BSN: variants seen among roughly 807,000 people sequenced by gnomAD.
BSN encodes the protein protein bassoon.
Under a neutral mutation model 264.8 loss-of-function variants are expected in BSN, and 57 were observed. The ratio of observed to expected loss-of-function variants is 0.22; its 90% CI spans 0.17 to 0.27. The LOEUF (loss-of-function observed/expected upper bound fraction) is 0.27, where lower values mean the gene tolerates loss of function less well. BSN is among the 10% of genes least tolerant of loss of function. The probability of loss-of-function intolerance (pLI) is 1.00; values close to 1 mark genes in which losing one functional copy is unlikely to be tolerated. For synonymous variants in BSN, 2,059 were observed against 2,137.3 expected, an observed-to-expected ratio of 0.96 and a Z score of 1.01; for missense variants, 4,615 against 5,232.5, an observed-to-expected ratio of 0.88 and a Z score of 3.64.
Position 49,652,258 on chromosome 3 carries a change from C to T in BSN, c.2702C>T (p.Ala901Val). ...ALPKRRLPHNATTGYEELLPE... is the reference protein window; with the variant it reads ...ALPKRRLPHNVTTGYEELLPE... ...CCCAAGAGGCGCCTGCCCCACAATG[C>T]CACCACGGGCTATGAGGAGCTGCTC... The change falls in exon 5 of 12, where the codon GCC becomes GTC. Residue 901 changes from alanine to valine, a missense_variant. Ala to Val is a moderately conservative substitution (Grantham distance 64, BLOSUM62 0). Around this residue, in one of 3 missense-constraint regions of BSN, gnomAD observed 1,197 missense variants for 1,348.0 expected, o/e 0.89. Coordinates refer to ENST00000296452, the MANE Select transcript of BSN (RefSeq NM_003458.4). The T allele has an allele frequency of 6.2e-7, 1 of 1,602,574 alleles. No individual in the cohort carries two copies. Among genetic ancestry groups the T allele is most frequent in the Non-Finnish European group, 8.5e-7 (1 of 1,173,486 alleles).
chr3:49,619,872 A>G (rs1575439694), intron 1 of BSN, among the ~76,000 whole-genome samples: 1 of 152,294 alleles, frequency 6.6e-6, no homozygotes, highest in East Asian at 1.9e-4. Flanking sequence ...TAGTGCTTAC[A>G]GTCACCCCAT....
chr3:49,609,882 C>T (rs564565495), intron 1 of BSN, among the ~76,000 whole-genome samples: 8 of 152,308 alleles, frequency 5.3e-5, no homozygotes, highest in Admixed American at 5.2e-4. Flanking sequence ...GCAGTGGGTC[C>T]TCTGTGTTCT....
At position 49,662,924 on chromosome 3, in the gene BSN, A is replaced by T. The variant is rs1223023961; in HGVS notation, c.10766A>T (p.Asp3589Val). 1.2e-6 allele frequency: 2 copies of T among 1,610,608 alleles called. No individual in the cohort carries two copies. Among genetic ancestry groups the T allele is most frequent in the Admixed American group, 3.4e-5 (2 of 59,426 alleles). Residue 3589 changes from aspartate to valine, a missense_variant, in exon 7 of 12, where the codon GAT becomes GTT. Physicochemically the swap from Asp to Val is radical, Grantham distance 152 (BLOSUM62 -3). Transcript: ENST00000296452. ...ACGGACTGGTTTGATAAGCCCCGGG[A>T]TGCCCGCTCTGACCGGTTCAGGCAC... The part of the protein sequence containing the change: ...EETDWFDKPR[D>V]ARSDRFRHHG...
intron 1 of BSN, among the ~76,000 whole-genome samples, chr3:49,616,189 A>G (rs2052258265): frequency 1.3e-5 from 2 of 152,204 alleles, no homozygotes; most frequent in South Asian, 4.1e-4. Flanking sequence ...TTTCTTGTGC[A>G]AAAACTGGAA....
chr3:49,630,499 C>T (rs962068795), intron 2 of BSN, among the ~76,000 whole-genome samples: 16 of 152,174 alleles, frequency 1.1e-4, no homozygotes, highest in Non-Finnish European at 2.9e-5. Flanking sequence ...GTACATGCCC[C>T]GAAGTGGTCC....
rs1190693190 is a variant in BSN at position 49,585,723 on chromosome 3, T to C, written c.224+30897T>C. Reference sequence around the variant, plus strand: ...TACTAATTTACATTCCCACTAACAGTGTACAAGGGTTCCCTTTTCTCTACA... The same window carrying C: ...TACTAATTTACATTCCCACTAACAGCGTACAAGGGTTCCCTTTTCTCTACA... On this transcript the variant is annotated intron_variant, in intron 1 of 11. Coordinates refer to ENST00000296452, the MANE Select transcript of BSN (RefSeq NM_003458.4). The surrounding 1 kb of genome is among the most constrained non-coding windows in gnomAD (Gnocchi z 4.7). Among the ~76,000 whole-genome samples, 1 of 152,248 alleles carries C rather than the reference T, an allele frequency of 6.6e-6. No homozygotes were observed. The highest frequency in any genetic ancestry group is 2.4e-5 in the African/African-American group (1 of 41,468).
Position 49,668,500 on chromosome 3 carries a change from C to T in BSN, c.*1015C>T, listed in dbSNP as rs1343150588. The T allele has an allele frequency of 2.6e-5, 4 of 152,706 alleles. No homozygotes were observed. Among genetic ancestry groups the T allele is most frequent in the Non-Finnish European group, 5.9e-5 (4 of 68,076 alleles). 9.5% of individuals were successfully genotyped at this position (152,706 alleles called of 1,614,324 possible). A position where few individuals can be genotyped will look rare whatever the true frequency, so the allele number is the denominator to read the frequency against. On this transcript the variant is annotated 3_prime_UTR_variant, in exon 12 of 12. Coordinates refer to ENST00000296452, the MANE Select transcript of BSN (RefSeq NM_003458.4). The stretch of plus-strand genomic sequence containing the variant: ...CTTGTGACTGATGGTTTGGTTTCCT[C>T]TCTGCTCTGCCCCTGCTCAGCACAG...
intron 1 of BSN, among the ~76,000 whole-genome samples, chr3:49,561,613 T>C (rs2051712315): frequency 6.6e-6 from 1 of 152,216 alleles, no homozygotes; most frequent in Non-Finnish European, 1.5e-5. Context: ...ACCTGATGTT[T>C]TGAAATATGT....
At chr3:49,606,289 T>TATATATATTAAAAATATATATA (rs2052149186) in intron 1 of BSN, among the ~76,000 whole-genome samples, 4 of 27,992 alleles carry the variant, frequency 1.4e-4, no homozygotes, top group African/African-American at 1.9e-4. Flanking sequence ...AAATATATAT[T>TATATATATTAAAAATATATATA]ATATATATTA....
Position 49,656,065 on chromosome 3 carries a change from C to T in BSN, c.6509C>T (p.Ala2170Val), listed in dbSNP as rs1175268864. The stretch of plus-strand genomic sequence containing the variant: ...GGGAACTTGGCCCAGTATGGGCCTG[C>T]AGCAGGCCAAGGAACAGCAGTCAGA... ...SPGNLAQYGP[A>V]AGQGTAVRQL... is the part of the protein sequence containing the mutation. Residue 2170 changes from alanine to valine, a missense_variant, in exon 5 of 12, where the codon GCA (alanine) becomes GTA (valine). Ala to Val is a moderately conservative substitution (Grantham distance 64, BLOSUM62 0). Transcript: ENST00000296452. 1.2e-6 allele frequency: 2 copies of T among 1,608,876 alleles called. No individual in the cohort carries two copies. Among genetic ancestry groups the T allele is most frequent in the Non-Finnish European group, 1.7e-6 (2 of 1,178,238 alleles).
intron 1 of BSN, among the ~76,000 whole-genome samples, chr3:49,583,912 C>T (rs180790720): frequency 3.3e-5 from 5 of 152,214 alleles, no homozygotes; most frequent in East Asian, 1.9e-4. Context: ...CTCGCACTGT[C>T]GCCCAGGCTG....
Position 49,663,683 on chromosome 3 carries a change from T to C in BSN, c.11508+17T>C. 6.2e-7 allele frequency: 1 copy of C among 1,602,766 alleles called. No individual in the cohort carries two copies. The highest frequency in any genetic ancestry group is 8.5e-7 in the Non-Finnish European group (1 of 1,173,372). On this transcript the variant is annotated intron_variant, in intron 7 of 11. Transcript: ENST00000296452. ...GCAGGACCGGTAAGCAGAGCTCCCA[T>C]GCATGGGTTGTAACCAGGGAAGATG...
chr3:49,662,093 G>A lies in BSN; in HGVS notation c.10248G>A (p.Val3416=). 1 of 1,613,548 alleles carries A rather than the reference G, an allele frequency of 6.2e-7. No individual in the cohort carries two copies. Among genetic ancestry groups the A allele is most frequent in the East Asian group, 2.2e-5 (1 of 44,890 alleles). The change falls in exon 6 of 12, where the codon GTG becomes GTA. Residue 3416 remains valine, a synonymous_variant. Coordinates refer to ENST00000296452, the MANE Select transcript of BSN (RefSeq NM_003458.4). ...DEITYGLKKN[V]YEQQKYYGMS... ...TCACCTATGGGCTCAAGAAGAACGT[G>A]TATGAGCAGCAAAAATACTATGGGA...
In BSN at chr3:49,651,057, C is replaced by A. The variant is rs754454307; in HGVS notation, c.1964C>A (p.Ala655Asp). The A allele has an allele frequency of 1.6e-5, 25 of 1,611,588 alleles. No homozygotes were observed. The highest frequency in any genetic ancestry group is 2.0e-5 in the Non-Finnish European group (24 of 1,179,360). The stretch of plus-strand genomic sequence containing the variant: ...CCTGTCGTCAAGGCTGTTCCAGAAG[C>A]CCCCAAGGGTGGGGAGGCGGAGGTC... ...ATPVVKAVPE[A>D]PKGGEAEDLV... Residue 655 changes from alanine (A) to aspartate (D), a missense_variant, in exon 4 of 12, where the codon GCC becomes GAC. Coordinates refer to ENST00000296452, the MANE Select transcript of BSN (RefSeq NM_003458.4). The surrounding 1 kb of genome is among the most constrained non-coding windows in gnomAD (Gnocchi z 5.4).
intron 1 of BSN, among the ~76,000 whole-genome samples, chr3:49,563,217 G>A (rs1278860019): frequency 6.6e-6 from 1 of 152,176 alleles, no homozygotes; most frequent in East Asian, 1.9e-4. Flanking sequence ...GGCGGGGCTG[G>A]CTGGCAACCC....
rs2051650168 is a variant in BSN at position 49,554,694 on chromosome 3, C to A, written c.92C>A (p.Pro31His). The A allele has an allele frequency of 4.5e-6, 5 of 1,114,002 alleles. No individual in the cohort carries two copies. The highest frequency in any genetic ancestry group is 5.5e-6 in the Non-Finnish European group (5 of 910,998). 69.0% of individuals were successfully genotyped at this position (1,114,002 alleles called of 1,614,324 possible). ...AGPGPGPGPGPGAGKPPSAPA... is the reference protein window; with the variant it reads ...AGPGPGPGPGHGAGKPPSAPA... ...CCCGGCCCGGGCCCCGGCCCCGGCC[C>A]CGGCGCAGGAAAGCCGCCTTCAGCA... Residue 31 changes from proline to histidine, a missense_variant, in exon 1 of 12, where the codon CCC becomes CAC. Coordinates refer to ENST00000296452, the MANE Select transcript of BSN (RefSeq NM_003458.4).
At chr3:49,616,673 G>T (rs193162739) in intron 1 of BSN, among the ~76,000 whole-genome samples, 1 of 152,296 alleles carries the variant, frequency 6.6e-6, no homozygotes, top group South Asian at 2.1e-4. Flanking sequence ...CTGCTTTTCC[G>T]TCTGGTCTGA....
chr3:49,598,652 C>G (rs1559601288), intron 1 of BSN, among the ~76,000 whole-genome samples: 1 of 152,116 alleles, frequency 6.6e-6, no homozygotes, highest in African/African-American at 2.4e-5. Flanking sequence ...AGTGATCCAC[C>G]CACCTCGGCC....
chr3:49,663,989 C>A, intron 8 of BSN, 103 bp downstream of exon 8: 3 of 1,135,644 alleles, frequency 2.6e-6, no homozygotes, highest in Non-Finnish European at 2.5e-6. Context: ...CATGCCCTCA[C>A]TAATCCCTGA....
Sources: allele counts gnomAD v4.1 joint callset (sites outside exome capture counted in the v4.1 genomes callset), GRCh38; gene constraint gnomAD v4.1.1; regional missense constraint gnomAD v4.1.1; non-coding constraint Gnocchi (gnomAD v3.1); transcripts MANE v1.5; gene names NCBI Gene and HGNC (gene_info 2026-07-23, HGNC 2026-07-21).